The following TRPM3 variants were observed in gnomAD, a reference collection of about 807,000 sequenced individuals.
TRPM3 encodes long transient receptor potential channel 3.
TRPM3 carries 77 observed loss-of-function variants against 181.2 expected under a neutral mutation model. The observed-to-expected ratio is 0.42, with a 90% confidence interval of 0.35 to 0.51. TRPM3 has a LOEUF of 0.51. Ranked by LOEUF, TRPM3 falls within the 20% of genes least tolerant of loss-of-function variation. The pLI, the probability that TRPM3 is intolerant of heterozygous loss-of-function variation, is 0.01. For synonymous variants in TRPM3, 745 were observed against 796.4 expected (o/e 0.94, Z 1.09); for missense variants, 1,759 against 2,196.7 (o/e 0.80, Z 3.98).
intron 14 of TRPM3, among the ~76,000 whole-genome samples, chr9:70,624,758 G>A (rs1336409072): frequency 1.3e-5 from 2 of 152,106 alleles, no homozygotes; most frequent in Non-Finnish European, 1.5e-5. Context: ...TTTGCAAAAG[G>A]TAAAAAATGC....
chr9:70,841,652 ATATATATAT>A lies in TRPM3; in HGVS notation c.801+1342_801+1350del, dbSNP rs1564540193. On this transcript the variant is annotated intron_variant, in intron 5 of 25. Coordinates refer to ENST00000677713, the MANE Select transcript of TRPM3 (RefSeq NM_001366145.2). ...TATATATATATATATATATATATAT[ATATATATAT>A]CCCACCATATATATGTATATATAGA... 2.6e-3 allele frequency among the ~76,000 whole-genome samples: 302 copies of A among 117,364 alleles called. 5 individuals carry two copies. In the South Asian group the frequency reaches 0.045, roughly 17 times the overall value. The allele number at this position is 117,364 out of a possible 152,430, so 77.0% of individuals were successfully genotyped here.
At chr9:70,693,345 C>T (rs1196843958) in intron 8 of TRPM3, among the ~76,000 whole-genome samples, 1 of 152,156 alleles carries the variant, frequency 6.6e-6, no homozygotes, top group Admixed American at 6.5e-5. Context: ...TACCTTCCAT[C>T]TTGTCAGCCA....
At chr9:70,833,290 A>G (rs2094076105) in intron 5 of TRPM3, among the ~76,000 whole-genome samples, 1 of 152,178 alleles carries the variant, frequency 6.6e-6, no homozygotes, top group Non-Finnish European at 1.5e-5. Context: ...GAATTGGACT[A>G]CGTCAGGTTT....
At chr9:70,657,890 G>C (rs1322638861) in intron 9 of TRPM3, among the ~76,000 whole-genome samples, 2 of 152,138 alleles carry the variant, frequency 1.3e-5, no homozygotes, top group Non-Finnish European at 2.9e-5. Flanking sequence ...TATTGCAGAA[G>C]AGGTGAGTGT....
intron 12 of TRPM3, among the ~76,000 whole-genome samples, chr9:70,630,592 T>TAGA (rs761780785): frequency 9.2e-5 from 14 of 152,300 alleles, no homozygotes; most frequent in Non-Finnish European, 1.6e-4. Context: ...CTTTTCAAAT[T>TAGA]AGAAGTCAAA....
At chr9:70,664,306 G>T (rs1016349439) in intron 9 of TRPM3, among the ~76,000 whole-genome samples, 1 of 152,182 alleles carries the variant, frequency 6.6e-6, no homozygotes, top group Non-Finnish European at 1.5e-5. Flanking sequence ...CCCAGGGCTT[G>T]TACACATAGA....
intron 1 of TRPM3, among the ~76,000 whole-genome samples, chr9:71,352,111 G>A (rs2091673048): frequency 6.6e-6 from 1 of 152,024 alleles, no homozygotes; most frequent in Non-Finnish European, 1.5e-5. Flanking sequence ...TCCTGACTTC[G>A]TGATCCACCC....
At chr9:71,021,043 CA>C (rs372539588) in intron 1 of TRPM3, among the ~76,000 whole-genome samples, 14 of 151,600 alleles carry the variant, frequency 9.2e-5, no homozygotes, top group Non-Finnish European at 1.0e-4. Context: ...TACTTTGCAA[CA>C]AAAAAAAGAA....
intron 1 of TRPM3, among the ~76,000 whole-genome samples, chr9:71,207,524 G>C (rs944525394): frequency 1.3e-5 from 2 of 152,052 alleles, no homozygotes; most frequent in Non-Finnish European, 2.9e-5. Flanking sequence ...ATCTCCTAAA[G>C]TGATTTTTGG....
intron 1 of TRPM3, among the ~76,000 whole-genome samples, chr9:71,407,363 T>C (rs2093457434): frequency 6.6e-6 from 1 of 152,166 alleles, no homozygotes; most frequent in Non-Finnish European, 1.5e-5. Flanking sequence ...AAAACCAGGA[T>C]ATTCCCACCC....
intron 20 of TRPM3, among the ~76,000 whole-genome samples, chr9:70,598,927 T>C (rs1242479075): frequency 1.3e-5 from 2 of 152,228 alleles, no homozygotes; most frequent in African/African-American, 2.4e-5. Flanking sequence ...CATAAGAGTT[T>C]TGCTATAAAA....
At chr9:71,238,000 G>A (rs971082944) in intron 1 of TRPM3, among the ~76,000 whole-genome samples, 2 of 152,074 alleles carry the variant, frequency 1.3e-5, no homozygotes, top group African/African-American at 2.4e-5. Flanking sequence ...AATTTTGGAG[G>A]GGACACATTC....
At chr9:70,847,379 C>A (rs2095014960) in intron 3 of TRPM3, among the ~76,000 whole-genome samples, 1 of 152,004 alleles carries the variant, frequency 6.6e-6, no homozygotes, top group African/African-American at 2.4e-5. Flanking sequence ...AAAAACTGGG[C>A]AAATATAGAA....
At chr9:70,917,966 CA>C (rs1264371282) in intron 1 of TRPM3, among the ~76,000 whole-genome samples, 2 of 148,232 alleles carry the variant, frequency 1.3e-5, no homozygotes, top group Non-Finnish European at 3.0e-5. Flanking sequence ...TATTTCATGC[CA>C]AAGGAAAAAA....
intron 1 of TRPM3, among the ~76,000 whole-genome samples, chr9:71,424,519 T>C (rs2093829587): frequency 6.6e-6 from 1 of 152,156 alleles, no homozygotes; most frequent in Non-Finnish European, 1.5e-5. Flanking sequence ...AGCAATATCA[T>C]AAGACAGATC....
chr9:71,099,349 C>T (rs150008033), intron 1 of TRPM3, among the ~76,000 whole-genome samples: 1 of 152,096 alleles, frequency 6.6e-6, no homozygotes, highest in African/African-American at 2.4e-5. Context: ...AATATCAACA[C>T]CTTAGGAATT....
At chr9:71,077,064 C>T (rs2063564019) in intron 1 of TRPM3, among the ~76,000 whole-genome samples, 1 of 152,206 alleles carries the variant, frequency 6.6e-6, no homozygotes, top group Admixed American at 6.5e-5. Flanking sequence ...TCCCTTTCAA[C>T]TCCAGGCTGT....
chr9:71,098,116 T>C (rs995244433), intron 1 of TRPM3, among the ~76,000 whole-genome samples: 1 of 152,120 alleles, frequency 6.6e-6, no homozygotes, highest in African/African-American at 2.4e-5. Flanking sequence ...CACTGGGCCA[T>C]GTGCAATCTA....
intron 1 of TRPM3, among the ~76,000 whole-genome samples, chr9:71,151,809 G>T (rs2075748655): frequency 1.3e-5 from 2 of 152,068 alleles, no homozygotes; most frequent in African/African-American, 4.8e-5. Context: ...TGCTAATATG[G>T]AATGAGCTCC....
Sources: gnomAD v4.1 joint callset for allele counts (sites outside exome capture counted in the v4.1 genomes callset) on GRCh38, gnomAD v4.1.1 for gene constraint, MANE v1.5 for transcripts, NCBI Gene and HGNC (gene_info 2026-07-23, HGNC 2026-07-21) for gene names.